Variants in FKBP5 observed in about 807,000 individuals in gnomAD.
FKBP5 encodes the protein FKBP prolyl isomerase 5.
Under a neutral mutation model 50.5 loss-of-function variants are expected in FKBP5, and 23 were observed. That is an observed-to-expected ratio of 0.46 (90% CI 0.33 to 0.65). The LOEUF (loss-of-function observed/expected upper bound fraction) is 0.65, where lower values mean the gene tolerates loss of function less well. FKBP5 is among the 30% of genes least tolerant of loss of function. The pLI is 0.02. For synonymous variants in FKBP5, 176 were observed against 190.6 expected, an observed-to-expected ratio of 0.92 and a Z score of 0.63; for missense variants, 411 against 553.1, an observed-to-expected ratio of 0.74 and a Z score of 2.58.
chr6:35,657,936 A>G (rs888955469), intron 1 of FKBP5, among the ~76,000 whole-genome samples: 2 of 152,120 alleles, frequency 1.3e-5, no homozygotes, highest in Non-Finnish European at 2.9e-5. Flanking sequence ...TCAATTTTGT[A>G]ATAAAATTAT....
At position 35,584,777 on chromosome 6, in the gene FKBP5, T is replaced by G. The variant is rs538000793; in HGVS notation, c.840+2257A>C. The G allele has an allele frequency of 1.8e-5, 18 of 985,358 alleles. No homozygotes were observed. In the South Asian group the frequency reaches 5.2e-4, roughly 28 times the overall value. The allele number at this position is 985,358 out of a possible 1,614,324, so 61.0% of individuals were successfully genotyped here. On this transcript the variant is annotated intron_variant, in intron 8 of 10. Transcript: ENST00000357266. ...CCAATGGACTAATGTTTTGAAAAAT[T>G]TTGCCTATCAAATTCCATGTTAAAA...
At chr6:35,579,742 T>C (rs927017887) in intron 9 of FKBP5, among the ~76,000 whole-genome samples, 1 of 152,210 alleles carries the variant, frequency 6.6e-6, no homozygotes, top group South Asian at 2.1e-4. Context: ...TACTCTGATA[T>C]AAATACTACA....
chr6:35,671,872 A>G (rs1288839495), intron 1 of FKBP5, among the ~76,000 whole-genome samples: 1 of 146,560 alleles, frequency 6.8e-6, no homozygotes, highest in Non-Finnish European at 1.5e-5. Flanking sequence ...ATTTAGAAGA[A>G]TTTTTTTTTT....
chr6:35,666,521 A>G (rs1419754178), intron 1 of FKBP5, among the ~76,000 whole-genome samples: 2 of 151,906 alleles, frequency 1.3e-5, no homozygotes, highest in East Asian at 3.8e-4. Context: ...ATTGATATGG[A>G]AAGTTTAAGA....
At chr6:35,649,531 C>A (rs1371911207) in intron 1 of FKBP5, among the ~76,000 whole-genome samples, 1 of 151,544 alleles carries the variant, frequency 6.6e-6, no homozygotes, top group South Asian at 2.1e-4. Context: ...AGTGGGGATT[C>A]TCTGAAGTTT....
rs555181847 is a variant in FKBP5 at position 35,591,015 on chromosome 6, T to C, written c.756+115A>G. 6.5e-6 allele frequency: 4 copies of C among 613,184 alleles called. No homozygotes were observed. In the South Asian group the frequency reaches 1.0e-4, roughly 16 times the overall value. The allele number at this position is 613,184 out of a possible 1,614,324, so 38.0% of individuals were successfully genotyped here. On this transcript the variant is annotated intron_variant, in intron 7 of 10. Coordinates refer to ENST00000357266, the MANE Select transcript of FKBP5 (RefSeq NM_004117.4). ...CAGTGTTGGAGGCAAGAGACAAACTTGATAATGAATAAACACCATCTATCT... is the reference window on the plus strand; with the variant it reads ...CAGTGTTGGAGGCAAGAGACAAACTCGATAATGAATAAACACCATCTATCT...
chr6:35,634,717 CTTT>C (rs1554134387), intron 3 of FKBP5, among the ~76,000 whole-genome samples: 2 of 20,280 alleles, frequency 9.9e-5, no homozygotes, highest in African/African-American at 2.2e-4. Flanking sequence ...GGGAATACTT[CTTT>C]TTTCCCTAAT....
intron 1 of FKBP5, among the ~76,000 whole-genome samples, chr6:35,654,004 G>A (rs9394309): frequency 0.74 from 112,622 of 152,090 alleles, 41,946 homozygotes; most frequent in African/African-American, 0.81. Flanking sequence ...ATAAGTACAT[G>A]TGAACATAAA....
At chr6:35,626,322 C>G (rs184590577) in intron 3 of FKBP5, among the ~76,000 whole-genome samples, 17 of 152,064 alleles carry the variant, frequency 1.1e-4, no homozygotes, top group African/African-American at 4.1e-4. Flanking sequence ...ACTTTTTCTT[C>G]CTTCTGTAAT....
At chr6:35,724,685 G>A (rs1247920784) in intron 1 of FKBP5, among the ~76,000 whole-genome samples, 1 of 151,838 alleles carries the variant, frequency 6.6e-6, no homozygotes, top group African/African-American at 2.4e-5. Flanking sequence ...GAGCCCCAGA[G>A]GTTGAGGCAG....
intron 1 of FKBP5, among the ~76,000 whole-genome samples, chr6:35,666,949 T>C (rs1167391612): frequency 5.9e-5 from 9 of 151,946 alleles, no homozygotes; most frequent in African/African-American, 2.2e-4. Flanking sequence ...AAGCCATTAA[T>C]AGTAGCTAAT....
At chr6:35,637,698 G>A (rs961894261) in intron 2 of FKBP5, among the ~76,000 whole-genome samples, 20 of 151,932 alleles carry the variant, frequency 1.3e-4, no homozygotes, top group Middle Eastern at 3.4e-3. Context: ...TCCTGACCTC[G>A]TGATCCACCC....
At position 35,574,887 on chromosome 6, in the gene FKBP5, A is replaced by C. The variant is rs139157962; in HGVS notation, c.*948T>G. On this transcript the variant is annotated 3_prime_UTR_variant, in exon 11 of 11. Transcript: ENST00000357266. ...TAAATAGATCCACTCCAGGTCAAAA[A>C]TATTGTAAGCACAAGTCTTAAATTC... 1 of 152,560 alleles carries C rather than the reference A, an allele frequency of 6.6e-6. No homozygotes were observed. The highest frequency in any genetic ancestry group is 1.5e-5 in the Non-Finnish European group (1 of 68,042). 9.5% of individuals were successfully genotyped at this position (152,560 alleles called of 1,614,324 possible). A position where few individuals can be genotyped will look rare whatever the true frequency, so the allele number is the denominator to read the frequency against.
At chr6:35,671,473 C>G (rs1021662048) in intron 1 of FKBP5, among the ~76,000 whole-genome samples, 2 of 151,722 alleles carry the variant, frequency 1.3e-5, no homozygotes, top group South Asian at 4.2e-4. Context: ...ATTAAAAGGT[C>G]CCCACTTTTA....
chr6:35,682,794 G>A (rs1486355124), intron 1 of FKBP5, among the ~76,000 whole-genome samples: 1 of 151,714 alleles, frequency 6.6e-6, no homozygotes, highest in Non-Finnish European at 1.5e-5. Context: ...TGGGATCCCA[G>A]CACTTTGGGA....
Position 35,580,262 on chromosome 6 carries a change from G to C in FKBP5, c.841-41C>G, listed in dbSNP as rs540238308. On this transcript the variant is annotated intron_variant, in intron 8 of 10. Coordinates refer to ENST00000357266, the MANE Select transcript of FKBP5 (RefSeq NM_004117.4). ...GTCATTACTTGTACTCAGCTCTTGA[G>C]GGGGTACAAAAGAAAAGCAAATCCT... 1.8e-5 allele frequency: 28 copies of C among 1,514,480 alleles called. No homozygotes were observed. The African/African-American group carries it at 2.1e-4, about 11-fold the overall frequency. The allele number at this position is 1,514,480 out of a possible 1,614,324, so 93.8% of individuals were successfully genotyped here.
chr6:35,706,186 G>A (rs1176276100), intron 2 of FKBP5, among the ~76,000 whole-genome samples: 1 of 152,198 alleles, frequency 6.6e-6, no homozygotes, highest in African/African-American at 2.4e-5. Flanking sequence ...CACTTTGGGA[G>A]GCCGAGACGG....
At chr6:35,603,642 T>C (rs1402751496) in intron 5 of FKBP5, among the ~76,000 whole-genome samples, 1 of 152,050 alleles carries the variant, frequency 6.6e-6, no homozygotes, top group Non-Finnish European at 1.5e-5. Flanking sequence ...GCTGGAATTT[T>C]TTTTTTTTTT....
chr6:35,699,138 C>T (rs1008685784), intron 2 of FKBP5, among the ~76,000 whole-genome samples: 4 of 152,178 alleles, frequency 2.6e-5, no homozygotes, highest in Admixed American at 6.6e-5. Context: ...CTTACTCACA[C>T]GGAAGGCAAG....
Sources: gnomAD v4.1 joint callset for allele counts (sites outside exome capture counted in the v4.1 genomes callset) on GRCh38, gnomAD v4.1.1 for gene constraint, MANE v1.5 for transcripts, NCBI Gene and HGNC (gene_info 2026-07-23, HGNC 2026-07-21) for gene names.